Variants in NOX4 observed in about 807,000 individuals in gnomAD.
The protein encoded by NOX4 is NADPH oxidase 4.
NOX4 carries 69 observed loss-of-function variants against 87.6 expected under a neutral mutation model. The observed-to-expected ratio is 0.79, with a 90% CI of 0.65 to 0.96. NOX4 has a LOEUF of 0.96. Among genes scored for constraint, NOX4 ranks in the 40% least tolerant of loss-of-function variants. The pLI, the probability that NOX4 is intolerant of heterozygous loss-of-function variation, is 0.00. For missense variants in NOX4, 680 were observed against 681.5 expected, an observed-to-expected ratio of 1.00 and a Z score of 0.02; for synonymous variants, 275 against 238.2, an observed-to-expected ratio of 1.15 and a Z score of -1.42.
chr11:89,490,294 A>G (rs1421496156), intron 2 of NOX4, among the ~76,000 whole-genome samples, 164 bp downstream of exon 2: 1 of 152,224 alleles, frequency 6.6e-6, no homozygotes, highest in Non-Finnish European at 1.5e-5. Context: ...AACTTGTACA[A>G]GTGTAAATGA....
At chr11:89,515,248 A>G in the NOX4 span, among the ~76,000 whole-genome samples, 1 of 152,002 alleles carries the variant, frequency 6.6e-6, no homozygotes, top group Admixed American at 6.6e-5. Context: ...TGAGAGTTCC[A>G]TTTGCTCTAC....
chr11:89,558,286 AC>A, the NOX4 span, among the ~76,000 whole-genome samples: 1 of 152,146 alleles, frequency 6.6e-6, no homozygotes, highest in East Asian at 1.9e-4. Context: ...TTGTACTGTT[AC>A]CCCAATTTAA....
chr11:89,546,099 T>G, the NOX4 span, among the ~76,000 whole-genome samples: 1 of 152,194 alleles, frequency 6.6e-6, no homozygotes, highest in African/African-American at 2.4e-5. Context: ...TACTGAAAAT[T>G]TCTTTTCAAC....
the NOX4 span, among the ~76,000 whole-genome samples, chr11:89,576,575 T>C: frequency 6.6e-6 from 1 of 152,202 alleles, no homozygotes; most frequent in Admixed American, 6.5e-5. Flanking sequence ...GCTCACATTT[T>C]CACATGCTAT....
At chr11:89,509,439 A>T in the NOX4 span, among the ~76,000 whole-genome samples, 1 of 152,012 alleles carries the variant, frequency 6.6e-6, no homozygotes, top group Admixed American at 6.6e-5. Context: ...CTGAAATTAC[A>T]AAGAAGACAA....
intron 2 of NOX4, among the ~76,000 whole-genome samples, chr11:89,484,098 G>C (rs558355552): frequency 2.6e-5 from 4 of 152,152 alleles, no homozygotes; most frequent in African/African-American, 9.6e-5. Flanking sequence ...GTATTAGCCA[G>C]TTATCACTGA....
At chr11:89,488,677 G>A (rs1023596545) in intron 2 of NOX4, among the ~76,000 whole-genome samples, 2 of 151,932 alleles carry the variant, frequency 1.3e-5, no homozygotes, top group South Asian at 2.1e-4. Context: ...CAAATACCTC[G>A]TGATCCAGAG....
intron 11 of NOX4, among the ~76,000 whole-genome samples, chr11:89,383,864 C>T (rs1222236427): frequency 1.3e-5 from 2 of 152,208 alleles, no homozygotes; most frequent in South Asian, 2.1e-4. Flanking sequence ...ATCTCTCCAC[C>T]TTAATCCACA....
intron 17 of NOX4, among the ~76,000 whole-genome samples, chr11:89,333,549 C>A (rs1265309008): frequency 6.6e-6 from 1 of 151,718 alleles, no homozygotes; most frequent in Non-Finnish European, 1.5e-5. Context: ...ACATAGTATA[C>A]TAACCTAATG....
chr11:89,361,612 A>C (rs1176313069), intron 12 of NOX4, among the ~76,000 whole-genome samples: 3 of 152,108 alleles, frequency 2.0e-5, no homozygotes, highest in African/African-American at 7.2e-5. Flanking sequence ...TTGAAACAAA[A>C]CAAAACAAAA....
intron 17 of NOX4, among the ~76,000 whole-genome samples, chr11:89,327,270 T>C (rs533423258): frequency 6.6e-6 from 1 of 152,316 alleles, no homozygotes; most frequent in African/African-American, 2.4e-5. Context: ...CACACTGAAC[T>C]ATGTACATTC....
At chr11:89,384,096 G>A (rs12419547) in intron 11 of NOX4, among the ~76,000 whole-genome samples, 6 of 152,018 alleles carry the variant, frequency 3.9e-5, no homozygotes, top group Admixed American at 1.3e-4. Context: ...AACCAGACAA[G>A]TCTTACAAGT....
chr11:89,549,543 A>T, the NOX4 span, among the ~76,000 whole-genome samples: 1 of 152,186 alleles, frequency 6.6e-6, no homozygotes, highest in Non-Finnish European at 1.5e-5. Flanking sequence ...CAGGGCATGC[A>T]GGTTTGTTAC....
chr11:89,438,905 A>AATATATAATATATTATATATTAT (rs1944318143), intron 6 of NOX4, among the ~76,000 whole-genome samples: 1 of 49,332 alleles, frequency 2.0e-5, no homozygotes, highest in Non-Finnish European at 3.5e-5. Flanking sequence ...TTATATATAT[A>AATATATAATATATTATATATTAT]ATATATAATA....
intron 8 of NOX4, among the ~76,000 whole-genome samples, chr11:89,406,860 C>T (rs1217123231): frequency 6.6e-6 from 1 of 151,918 alleles, no homozygotes; most frequent in Non-Finnish European, 1.5e-5. Flanking sequence ...ATGATAACCT[C>T]TTGAGAGTAG....
At chr11:89,566,053 T>G in the NOX4 span, among the ~76,000 whole-genome samples, 1 of 150,336 alleles carries the variant, frequency 6.7e-6, no homozygotes, top group African/African-American at 2.4e-5. Flanking sequence ...CTTTTTTTTT[T>G]TTTTTTTGAG....
intron 11 of NOX4, among the ~76,000 whole-genome samples, chr11:89,378,137 A>C (rs1482782441): frequency 2.0e-5 from 3 of 152,158 alleles, no homozygotes; most frequent in Non-Finnish European, 2.9e-5. Flanking sequence ...CCCTGTGAAA[A>C]ACCACCCATA....
intron 4 of NOX4, 56 bp downstream of exon 4, chr11:89,449,383 GT>G: frequency 1.5e-6 from 2 of 1,292,356 alleles, no homozygotes; most frequent in Non-Finnish European, 2.2e-6. Flanking sequence ...TGTCTGGAAT[GT>G]TTACATTTAA....
intron 2 of NOX4, among the ~76,000 whole-genome samples, chr11:89,456,442 C>T (rs1419865424): frequency 2.0e-5 from 3 of 152,074 alleles, no homozygotes; most frequent in African/African-American, 7.2e-5. Flanking sequence ...CCAGGAGGAA[C>T]ATCTCACACT....
Sources: gnomAD v4.1 joint callset for allele counts (sites outside exome capture counted in the v4.1 genomes callset) on GRCh38, gnomAD v4.1.1 for gene constraint, MANE v1.5 for transcripts, NCBI Gene and HGNC (gene_info 2026-07-23, HGNC 2026-07-21) for gene names.